GFPT2: variants seen among roughly 807,000 people sequenced by gnomAD.
The protein encoded by GFPT2 is glutamine--fructose-6-phosphate transaminase 2, also known as glutamine--fructose-6-phosphate aminotransferase [isomerizing] 2.
A neutral mutation model predicts 85.6 loss-of-function variants in GFPT2; 62 were observed. That is an observed-to-expected ratio of 0.72 (90% CI 0.59 to 0.90). The LOEUF is 0.90. Among genes scored for constraint, GFPT2 ranks in the 40% least tolerant of loss-of-function variants. The pLI, the probability that GFPT2 is intolerant of heterozygous loss-of-function variation, is 0.00. For synonymous variants in GFPT2, 368 were observed against 344.5 expected (o/e 1.07, Z -0.75); for missense variants, 788 against 893.4 (o/e 0.88, Z 1.50).
chr5:180,316,259 G>C, intron 13 of GFPT2, 82 bp downstream of exon 13: 2 of 1,402,596 alleles, frequency 1.4e-6, no homozygotes, highest in South Asian at 1.2e-5. Context: ...GCCATGCAGA[G>C]GACTTAACTG....
intron 9 of GFPT2, among the ~76,000 whole-genome samples, chr5:180,322,726 G>T (rs1036424236): frequency 7.3e-5 from 11 of 151,710 alleles, no homozygotes; most frequent in East Asian, 3.9e-4. Context: ...AGGCATTCAT[G>T]CCTTTTTTTT....
chr5:180,332,488 T>C (rs1764323230), intron 4 of GFPT2, among the ~76,000 whole-genome samples: 1 of 152,106 alleles, frequency 6.6e-6, no homozygotes, highest in East Asian at 1.9e-4. Flanking sequence ...GCTTCATAAA[T>C]ATTGACTATT....
intron 1 of GFPT2, among the ~76,000 whole-genome samples, chr5:180,343,363 A>G (rs1764555785): frequency 6.6e-6 from 1 of 152,202 alleles, no homozygotes; most frequent in South Asian, 2.1e-4. Context: ...CGGGGGCATA[A>G]GGGGTCCTTG....
chr5:180,346,306 A>G (rs1240616285), intron 1 of GFPT2, among the ~76,000 whole-genome samples: 1 of 152,092 alleles, frequency 6.6e-6, no homozygotes, highest in Non-Finnish European at 1.5e-5. Context: ...ATAGAAACCT[A>G]TCCCAAGAAG....
chr5:180,312,574 C>T, intron 14 of GFPT2, 30 bp from the exon 15 acceptor site: 1 of 1,113,796 alleles, frequency 9.0e-7, no homozygotes, highest in Non-Finnish European at 1.4e-6. Flanking sequence ...TGGCAGGGAC[C>T]TTATTTTCAC....
rs924858843 is a variant in GFPT2 at position 180,336,976 on chromosome 5, C to T, written c.116-399G>A. On this transcript the variant is annotated intron_variant, in intron 2 of 18. Coordinates refer to ENST00000253778, the MANE Select transcript of GFPT2 (RefSeq NM_005110.4). ...CGTTAGTGTTCCTCCCGTCGTCTAT[C>T]GGACGTGCTTCCTATTAAGAGTCGA... is the stretch of plus-strand genomic sequence containing the variant. Among the ~76,000 whole-genome samples, 6 of 152,264 alleles carry T rather than the reference C, an allele frequency of 3.9e-5. No homozygotes were observed. In the East Asian group the frequency reaches 7.7e-4, roughly 19 times the overall value.
rs771864775 is a variant in GFPT2 at position 180,330,398 on chromosome 5, GCAT to G, written c.534+299_534+301del. 4.6e-5 allele frequency among the ~76,000 whole-genome samples: 7 copies of G among 152,142 alleles called. No homozygotes were observed. Among genetic ancestry groups the G allele is most frequent in the Non-Finnish European group, 8.8e-5 (6 of 68,040 alleles). Reference sequence around the variant, plus strand: ...GCACACCACCACCAAGCTCACGTGTGCATCATAAAAAGCCACGGACTCTAATGC... The same window carrying G: ...GCACACCACCACCAAGCTCACGTGTGCATAAAAAGCCACGGACTCTAATGC... On this transcript the variant is annotated intron_variant, in intron 6 of 18. Transcript: ENST00000253778. This position sits in a 1 kb window ranked among gnomAD's most constrained non-coding sequence, Gnocchi z 4.4.
intron 3 of GFPT2, 129 bp from the exon 4 acceptor site, chr5:180,336,082 C>G: frequency 2.4e-6 from 2 of 846,990 alleles, no homozygotes; most frequent in South Asian, 1.8e-5. Flanking sequence ...CAGCTCCCAC[C>G]CTGGGAGTCC....
chr5:180,315,239 G>T (rs980419039), intron 13 of GFPT2, among the ~76,000 whole-genome samples: 1 of 151,146 alleles, frequency 6.6e-6, no homozygotes, highest in Non-Finnish European at 1.5e-5. Context: ...GTGCAGTGGC[G>T]CGATCTCAGC....
rs889245305 is a variant in GFPT2, at chr5:180,313,816, G to A, written c.1422C>T (p.Ala474=). 13 of 1,559,102 alleles carry A rather than the reference G, an allele frequency of 8.3e-6. No homozygotes were observed. Among genetic ancestry groups the A allele is most frequent in the Non-Finnish European group, 1.0e-5 (12 of 1,156,716 alleles). ...HINAGPEIGV[A]STKAYTSQFI... ...CCGTGGCTCCTCCTACCTTGGTGCT[G>A]GCCACGCCGATCTCCGGCCCTGCGT... Residue 474 remains alanine, a synonymous_variant, in exon 14 of 19, where the codon GCC becomes GCT. Transcript: ENST00000253778.
intron 15 of GFPT2, among the ~76,000 whole-genome samples, chr5:180,311,154 C>T (rs576504985): frequency 6.6e-6 from 1 of 152,338 alleles, no homozygotes; most frequent in East Asian, 1.9e-4. Context: ...CCCAGGGAAG[C>T]TCCAGCGTCC....
At chr5:180,311,284 C>G (rs1763876405) in intron 15 of GFPT2, among the ~76,000 whole-genome samples, 1 of 152,266 alleles carries the variant, frequency 6.6e-6, no homozygotes, top group Non-Finnish European at 1.5e-5. Flanking sequence ...GCACAGAAGT[C>G]TCTCTCCTAC....
At chr5:180,324,795 G>A (rs762428878) in intron 8 of GFPT2, 21 bp downstream of exon 8, 102 of 1,474,454 alleles carry the variant, frequency 6.9e-5, no homozygotes, top group South Asian at 6.3e-4. Flanking sequence ...GTGCTGTTCC[G>A]GTACTTCTTG....
intron 6 of GFPT2, among the ~76,000 whole-genome samples, chr5:180,329,094 C>T (rs960795485): frequency 6.6e-6 from 1 of 152,224 alleles, no homozygotes; most frequent in Admixed American, 6.5e-5. Context: ...TCCTGACCAT[C>T]CTGTACTAAC....
At chr5:180,344,711 C>T (rs993034333) in intron 1 of GFPT2, among the ~76,000 whole-genome samples, 2 of 152,154 alleles carry the variant, frequency 1.3e-5, no homozygotes, top group East Asian at 1.9e-4. Context: ...CTGGCATGTC[C>T]GAAGCACCAG....
chr5:180,339,375 T>C (rs567033659), intron 1 of GFPT2, among the ~76,000 whole-genome samples: 1 of 107,524 alleles, frequency 9.3e-6, no homozygotes, highest in East Asian at 2.6e-4. Flanking sequence ...CTAGACTCTG[T>C]CTCAAAAAAA....
Position 180,328,402 on chromosome 5 carries a change from GC to G in GFPT2, c.535-65del. 7.7e-7 allele frequency: 1 copy of G among 1,294,388 alleles called. No homozygotes were observed. Among genetic ancestry groups the G allele is most frequent in the Non-Finnish European group, 1.1e-6 (1 of 889,998 alleles). 80.2% of individuals were successfully genotyped at this position (1,294,388 alleles called of 1,614,324 possible). ...CAGCCGCTGCTGCAGCCTGGCCACA[GC>G]CCAGGTGCGTCTCCCTGGGCCCCTC... On this transcript the variant is annotated intron_variant, in intron 6 of 18. Transcript: ENST00000253778. This position sits in a 1 kb window ranked among gnomAD's most constrained non-coding sequence, Gnocchi z 5.4.
chr5:180,351,507 G>C (rs763096382), intron 1 of GFPT2, among the ~76,000 whole-genome samples: 2 of 150,244 alleles, frequency 1.3e-5, no homozygotes, highest in East Asian at 4.0e-4. Flanking sequence ...TTCTGGCTCC[G>C]AGTGGGCACC....
chr5:180,338,404 T>C (rs1282003806), intron 2 of GFPT2, 89 bp downstream of exon 2: 9 of 539,296 alleles, frequency 1.7e-5, no homozygotes, highest in Non-Finnish European at 2.7e-5. Context: ...AAAAATGCCC[T>C]GGTTGTAAAC....
Sources: gnomAD v4.1 joint callset for allele counts (sites outside exome capture counted in the v4.1 genomes callset) on GRCh38, gnomAD v4.1.1 for gene constraint, Gnocchi (gnomAD v3.1) non-coding constraint, MANE v1.5 for transcripts, NCBI Gene and HGNC (gene_info 2026-07-23, HGNC 2026-07-21) for gene names.